NT5C1B: variants seen among roughly 807,000 people sequenced by gnomAD.
NT5C1B encodes 5'-nucleotidase, cytosolic IB, also known as cytosolic 5'-nucleotidase 1B.
A neutral mutation model predicts 57.8 loss-of-function variants in NT5C1B; 44 were observed. The observed-to-expected ratio is 0.76, with a 90% CI of 0.60 to 0.98. The LOEUF (loss-of-function observed/expected upper bound fraction) is 0.98, where lower values mean the gene tolerates loss of function less well. Ranked by LOEUF, NT5C1B falls within the 50% of genes least tolerant of loss-of-function variation. The pLI is 0.00. For synonymous variants in NT5C1B, 284 were observed against 282.6 expected (o/e 1.00, Z -0.05); for missense variants, 742 against 719.5 (o/e 1.03, Z -0.36).
intron 8 of NT5C1B, among the ~76,000 whole-genome samples, chr2:18,565,070 G>A (rs948422353): frequency 6.6e-6 from 1 of 151,804 alleles, no homozygotes. Context: ...ACTTTTCCTT[G>A]GTGTTTCTTT....
At chr2:18,587,698 C>A (rs917371985) in intron 1 of NT5C1B, 106 bp from the exon 2 acceptor site, 30 of 1,326,256 alleles carry the variant, frequency 2.3e-5, no homozygotes, top group Non-Finnish European at 2.7e-5. Flanking sequence ...TATTTATTTG[C>A]CAATATAAAA....
chr2:18,563,065 T>TA (rs1664316877), exon 9 of NT5C1B: 1 of 130,352 alleles, frequency 7.7e-6, no homozygotes, highest in Non-Finnish European at 1.6e-5. Context: ...TAGCGTAGGG[T>TA]CTTTTTTTTT....
chr2:18,564,878 T>C (rs1664500857), intron 8 of NT5C1B, among the ~76,000 whole-genome samples: 1 of 152,196 alleles, frequency 6.6e-6, no homozygotes, highest in Non-Finnish European at 1.5e-5. Context: ...AAGGTTTACA[T>C]TATTTCCTTC....
In NT5C1B at chr2:18,589,202, T is replaced by C. The variant is rs543549644; in HGVS notation, c.30+237A>G. 2.0e-5 allele frequency among the ~76,000 whole-genome samples: 3 copies of C among 152,392 alleles called. No homozygotes were observed. In the South Asian group the frequency reaches 6.2e-4, roughly 32 times the overall value. Reference sequence around the variant, plus strand: ...AATACTGACTTATTGGAATCATTTATATACTACACGTTTTTTAATCTCTTT... The same window carrying C: ...AATACTGACTTATTGGAATCATTTACATACTACACGTTTTTTAATCTCTTT... On this transcript the variant is annotated intron_variant, in intron 1 of 8. Coordinates refer to ENST00000304081, the Ensembl canonical transcript of NT5C1B.
intron 8 of NT5C1B, among the ~76,000 whole-genome samples, chr2:18,569,112 T>C (rs1289010231): frequency 1.3e-5 from 2 of 152,192 alleles, no homozygotes; most frequent in African/African-American, 2.4e-5. Context: ...GAGGCAGAGT[T>C]TGGCAGTTCG....
chr2:18,583,648 C>G, intron 5 of NT5C1B: 1 of 356,026 alleles, frequency 2.8e-6, no homozygotes, highest in Non-Finnish European at 5.5e-6. Flanking sequence ...AGAACCTTAC[C>G]TTCTCTATTA....
chr2:18,584,289 C>T lies in NT5C1B; in HGVS notation c.724-34G>A, dbSNP rs1381181932. On this transcript the variant is annotated intron_variant, in intron 4 of 8. Transcript: ENST00000304081. This position sits in a 1 kb window ranked among gnomAD's most constrained non-coding sequence, Gnocchi z 5.8. ...AGGGACGCCAAAGGGAGGATAGTCACATAGCCACGAAGAGGACAGGGTTGG... is the reference window on the plus strand; with the variant it reads ...AGGGACGCCAAAGGGAGGATAGTCATATAGCCACGAAGAGGACAGGGTTGG... 1 of 1,604,500 alleles carries T rather than the reference C, an allele frequency of 6.2e-7. No individual in the cohort carries two copies. The highest frequency in any genetic ancestry group is 1.7e-5 in the Admixed American group (1 of 59,614).
chr2:18,563,794 C>T, exon 9 of NT5C1B: 2 of 1,535,390 alleles, frequency 1.3e-6, no homozygotes, highest in Non-Finnish European at 1.8e-6. Context: ...TCCTCCCTGC[C>T]CCTAACTACT....
At chr2:18,586,263 G>C in exon 3 of NT5C1B, 1 of 1,613,986 alleles carries the variant, frequency 6.2e-7, no homozygotes. Context: ...CCTTAGCACT[G>C]GTGTTCCTGC....
chr2:18,585,585 A>G (rs1023342731), intron 3 of NT5C1B, among the ~76,000 whole-genome samples: 9 of 152,296 alleles, frequency 5.9e-5, no homozygotes, highest in African/African-American at 2.2e-4. Context: ...GCACAGTTAC[A>G]TAGAATCATC....
At chr2:18,579,597 T>C (rs1666001483) in intron 6 of NT5C1B, among the ~76,000 whole-genome samples, 1 of 152,146 alleles carries the variant, frequency 6.6e-6, no homozygotes, top group East Asian at 1.9e-4. Context: ...ATGCCAAAGA[T>C]TGAAATGGGA....
rs3046807 is a variant in NT5C1B, at chr2:18,568,087, GACACACACAC to G, written c.1330-3978_1330-3969del. ...AGAGCAGAGCATTGAAATGCTGTGG[GACACACACAC>G]ACACACACACACACACACACACACA... is the stretch of plus-strand genomic sequence containing the variant. On this transcript the variant is annotated intron_variant, in intron 8 of 8. Coordinates refer to ENST00000304081, the Ensembl canonical transcript of NT5C1B. 2.3e-4 allele frequency among the ~76,000 whole-genome samples: 33 copies of G among 142,706 alleles called. No individual in the cohort carries two copies. The South Asian group carries it at 7.1e-3, about 31-fold the overall frequency. The allele number at this position is 142,706 out of a possible 152,430, so 93.6% of individuals were successfully genotyped here.
Position 18,586,914 on chromosome 2 carries a change from G to C in NT5C1B, c.121-523C>G, listed in dbSNP as rs569166957. The C allele has an allele frequency of 2.5e-6, 4 of 1,604,868 alleles. No homozygotes were observed. The Admixed American group carries it at 6.8e-5, about 27-fold the overall frequency. On this transcript the variant is annotated intron_variant, in intron 2 of 8. Coordinates refer to ENST00000304081, the Ensembl canonical transcript of NT5C1B. ...CCCCCCGGAACAGCAAAGTAAAAGAGTTTCTATTTGCCATATTCTTCCCCT... is the reference window on the plus strand; with the variant it reads ...CCCCCCGGAACAGCAAAGTAAAAGACTTTCTATTTGCCATATTCTTCCCCT...
chr2:18,563,922 G>A, exon 9 of NT5C1B: 2 of 1,614,096 alleles, frequency 1.2e-6, no homozygotes, highest in Non-Finnish European at 8.5e-7. Flanking sequence ...TGGGACTTTT[G>A]GGGGCTCCAG....
rs774322063 is a variant in NT5C1B at position 18,576,184 on chromosome 2, C to T, written c.1329G>A (p.Gln443=). 12 of 1,606,612 alleles carry T rather than the reference C, an allele frequency of 7.5e-6. No homozygotes were observed. In the East Asian group the frequency reaches 2.5e-4, roughly 33 times the overall value. The change falls in exon 8 of 9, where the codon CAG becomes CAA. Residue 443 remains glutamine (Q), a splice_region_variant and synonymous_variant. Transcript: ENST00000304081. ...ATTAATTAGCACTCATTGAACCTAC[C>T]TGAGCAAGAGGCTTACTTTCACATA... is the stretch of plus-strand genomic sequence containing the variant.
intron 8 of NT5C1B, among the ~76,000 whole-genome samples, chr2:18,573,505 G>A (rs1665397871): frequency 6.6e-6 from 1 of 151,852 alleles, no homozygotes; most frequent in Non-Finnish European, 1.5e-5. Flanking sequence ...TTCCAGAATG[G>A]TGAGACAAGA....
chr2:18,589,474 T>C (rs758045175), exon 1 of NT5C1B: 1 of 1,614,082 alleles, frequency 6.2e-7, no homozygotes, highest in Non-Finnish European at 8.5e-7. Context: ...CTCATTTTTT[T>C]ACCTGTTGAA....
At chr2:18,563,888 T>C (rs1403868998) in exon 9 of NT5C1B, 1 of 1,614,048 alleles carries the variant, frequency 6.2e-7, no homozygotes, top group Non-Finnish European at 8.5e-7. Context: ...TCAAAGAAGA[T>C]GTGGGGCCGG....
At chr2:18,576,660 T>A (rs1665703906) in intron 7 of NT5C1B, 113 bp downstream of exon 7, 2 of 1,518,520 alleles carry the variant, frequency 1.3e-6, no homozygotes, top group African/African-American at 2.8e-5. Context: ...TGGAAAAACT[T>A]CAGAAGAATA....
Sources: gnomAD v4.1 joint callset for allele counts (sites outside exome capture counted in the v4.1 genomes callset) on GRCh38, gnomAD v4.1.1 for gene constraint, Gnocchi (gnomAD v3.1) non-coding constraint, MANE v1.5 for transcripts, NCBI Gene and HGNC (gene_info 2026-07-23, HGNC 2026-07-21) for gene names.